Variants in COL8A1 observed in about 807,000 individuals in gnomAD.
COL8A1 encodes the protein collagen type VIII alpha 1 chain, also known as collagen alpha-1(VIII) chain.
Under a neutral mutation model 42.7 loss-of-function variants are expected in COL8A1, and 21 were observed. The ratio of observed to expected loss-of-function variants is 0.49; its 90% CI spans 0.35 to 0.71. The LOEUF (loss-of-function observed/expected upper bound fraction) is 0.71, where lower values mean the gene tolerates loss of function less well. Among genes scored for constraint, COL8A1 ranks in the 30% least tolerant of loss-of-function variants. COL8A1 has a pLI of 0.01. For synonymous variants in COL8A1, 367 were observed against 369.1 expected, an observed-to-expected ratio of 0.99 and a Z score of 0.06; for missense variants, 788 against 962.4, an observed-to-expected ratio of 0.82 and a Z score of 2.40.
chr3:99,648,521 G>A (rs1343123636), intron 1 of COL8A1, among the ~76,000 whole-genome samples: 1 of 151,554 alleles, frequency 6.6e-6, no homozygotes, highest in Non-Finnish European at 1.5e-5. Flanking sequence ...TAAGGACTGT[G>A]TAATTAGAAA....
intron 1 of COL8A1, among the ~76,000 whole-genome samples, chr3:99,675,318 T>C (rs984595355): frequency 1.3e-5 from 2 of 152,104 alleles, no homozygotes; most frequent in African/African-American, 2.4e-5. Context: ...TTATAGAAGA[T>C]TAGGAGTGCC....
intron 1 of COL8A1, among the ~76,000 whole-genome samples, chr3:99,668,430 A>G (rs1489410640): frequency 6.6e-6 from 1 of 152,184 alleles, no homozygotes; most frequent in Non-Finnish European, 1.5e-5. Flanking sequence ...CAAGTGAAAA[A>G]TACACTATTC....
chr3:99,715,166 A>G (rs1019407457), intron 1 of COL8A1, among the ~76,000 whole-genome samples: 6 of 152,072 alleles, frequency 3.9e-5, no homozygotes, highest in African/African-American at 1.4e-4. Context: ...GAGAGGTGAC[A>G]TGATCTGATG....
At chr3:99,718,186 T>C (rs1446168288) in intron 1 of COL8A1, among the ~76,000 whole-genome samples, 2 of 152,038 alleles carry the variant, frequency 1.3e-5, no homozygotes, top group Non-Finnish European at 2.9e-5. Flanking sequence ...GAGAACACAG[T>C]AGTCCACTGT....
intron 2 of COL8A1, among the ~76,000 whole-genome samples, chr3:99,778,878 A>G (rs1283175440): frequency 6.6e-6 from 1 of 152,204 alleles, no homozygotes. Flanking sequence ...TCTCAAGACT[A>G]CTTTCTGCAC....
chr3:99,770,066 T>G (rs1162211014), intron 2 of COL8A1, among the ~76,000 whole-genome samples: 1 of 152,164 alleles, frequency 6.6e-6, no homozygotes, highest in Non-Finnish European at 1.5e-5. Flanking sequence ...AGGACAAACT[T>G]TTTTATGAAC....
At chr3:99,657,614 C>T (rs1938063018) in intron 1 of COL8A1, among the ~76,000 whole-genome samples, 1 of 152,198 alleles carries the variant, frequency 6.6e-6, no homozygotes, top group Non-Finnish European at 1.5e-5. Context: ...ACACCCTCAA[C>T]TTAACGCATC....
intron 1 of COL8A1, among the ~76,000 whole-genome samples, chr3:99,671,848 T>A (rs1008396384): frequency 2.6e-5 from 4 of 152,024 alleles, no homozygotes; most frequent in African/African-American, 9.7e-5. Context: ...GAGATCAGTA[T>A]GTCAAGATAT....
At chr3:99,783,783 T>A (rs1002660284) in intron 2 of COL8A1, among the ~76,000 whole-genome samples, 1 of 152,060 alleles carries the variant, frequency 6.6e-6, no homozygotes, top group Admixed American at 6.5e-5. Context: ...TTTTAAACCA[T>A]CAGATCTCAT....
intron 1 of COL8A1, among the ~76,000 whole-genome samples, chr3:99,730,356 C>T (rs898635312): frequency 6.6e-6 from 1 of 152,020 alleles, no homozygotes; most frequent in Non-Finnish European, 1.5e-5. Context: ...AAATGCATAT[C>T]AAAACTCCTG....
At chr3:99,734,800 T>C (rs1409673503) in intron 1 of COL8A1, among the ~76,000 whole-genome samples, 1 of 152,146 alleles carries the variant, frequency 6.6e-6, no homozygotes, top group Non-Finnish European at 1.5e-5. Flanking sequence ...TGTTCTTCCA[T>C]TTGTTTGTAT....
intron 1 of COL8A1, among the ~76,000 whole-genome samples, chr3:99,720,685 A>G (rs1291614836): frequency 1.3e-5 from 2 of 152,154 alleles, no homozygotes; most frequent in Non-Finnish European, 2.9e-5. Flanking sequence ...TATTGCTCTG[A>G]GCTCTGTGTG....
rs999412942 is a variant in COL8A1 at position 99,638,640 on chromosome 3, C to G, written c.-153C>G. ...CCTCTCCGTGGGAGCCAGCGAGCCT[C>G]TCTCCCTGATCTTACGTGCTCAAGG... On this transcript the variant is annotated 5_prime_UTR_variant, in exon 1 of 4. Transcript: ENST00000652472. 1 of 152,400 alleles carries G rather than the reference C, an allele frequency of 6.6e-6. No homozygotes were observed. Among genetic ancestry groups the G allele is most frequent in the Non-Finnish European group, 1.5e-5 (1 of 68,274 alleles). 9.4% of individuals were successfully genotyped at this position (152,400 alleles called of 1,614,324 possible).
intron 1 of COL8A1, among the ~76,000 whole-genome samples, chr3:99,705,430 A>C (rs569952066): frequency 1.3e-5 from 2 of 152,154 alleles, no homozygotes; most frequent in African/African-American, 4.8e-5. Context: ...TTCTTTCTCT[A>C]TTAGAATTTA....
rs1937442229 is a variant in COL8A1, at chr3:99,638,636, G to GA, written c.-157_-156insA. The GA allele has an allele frequency of 6.6e-6, 1 of 152,266 alleles. No individual in the cohort carries two copies. Among genetic ancestry groups the GA allele is most frequent in the Non-Finnish European group, 1.5e-5 (1 of 68,252 alleles). The allele number at this position is 152,266 out of a possible 1,614,324, so 9.4% of individuals were successfully genotyped here. A position where few individuals can be genotyped will look rare whatever the true frequency, so the allele number is the denominator to read the frequency against. On this transcript the variant is annotated 5_prime_UTR_variant, in exon 1 of 4. Transcript: ENST00000652472. ...CGATCCTCTCCGTGGGAGCCAGCGAGCCTCTCTCCCTGATCTTACGTGCTC... is the reference window on the plus strand; with the variant it reads ...CGATCCTCTCCGTGGGAGCCAGCGAGACCTCTCTCCCTGATCTTACGTGCTC...
chr3:99,752,370 A>G (rs1941167927), intron 2 of COL8A1, among the ~76,000 whole-genome samples: 1 of 152,156 alleles, frequency 6.6e-6, no homozygotes, highest in Non-Finnish European at 1.5e-5. Context: ...TAGTAGTGGT[A>G]GTAATATTAT....
chr3:99,718,783 C>A (rs1337235016), intron 1 of COL8A1, among the ~76,000 whole-genome samples: 1 of 152,024 alleles, frequency 6.6e-6, no homozygotes, highest in Non-Finnish European at 1.5e-5. Context: ...AATTCAGTTG[C>A]ATACTTACGT....
intron 1 of COL8A1, among the ~76,000 whole-genome samples, chr3:99,695,612 CCTT>C (rs947963457): frequency 1.7e-4 from 26 of 152,126 alleles, no homozygotes; most frequent in African/African-American, 5.3e-4. Context: ...GTCTTTCCCT[CCTT>C]CTCTTTTCCT....
intron 1 of COL8A1, among the ~76,000 whole-genome samples, chr3:99,720,895 A>G (rs570950411): frequency 6.6e-6 from 1 of 152,268 alleles, no homozygotes; most frequent in African/African-American, 2.4e-5. Context: ...TCTGAGAACT[A>G]AAGTGAATGG....
Sources: gnomAD v4.1 joint callset for allele counts (sites outside exome capture counted in the v4.1 genomes callset) on GRCh38, gnomAD v4.1.1 for gene constraint, MANE v1.5 for transcripts, NCBI Gene and HGNC (gene_info 2026-07-23, HGNC 2026-07-21) for gene names.